Variants in BMPR2 observed in about 807,000 individuals in gnomAD.
The protein encoded by BMPR2 is bone morphogenetic protein receptor type 2, also known as bone morphogenetic protein receptor type-2.
In BMPR2, 29 loss-of-function variants were observed where a neutral mutation model predicts 100.8. The observed-to-expected ratio is 0.29, with a 90% confidence interval of 0.21 to 0.39. BMPR2 has a LOEUF of 0.39. Among genes scored for constraint, BMPR2 ranks in the 10% least tolerant of loss-of-function variants. BMPR2 has a pLI of 1.00. For synonymous variants in BMPR2, 382 were observed against 442.3 expected, an observed-to-expected ratio of 0.86 and a Z score of 1.71; for missense variants, 1,011 against 1,274.5, an observed-to-expected ratio of 0.79 and a Z score of 3.15.
intron 1 of BMPR2, among the ~76,000 whole-genome samples, chr2:202,394,890 AT>A (rs11298914): frequency 0.99 from 135,850 of 137,662 alleles, 67,021 homozygotes; most frequent in East Asian, 1. Flanking sequence ...ACTTTTTTTT[AT>A]TTTTTTTTTT....
intron 2 of BMPR2, among the ~76,000 whole-genome samples, chr2:202,466,340 G>A (rs1692320417): frequency 6.6e-6 from 1 of 152,084 alleles, no homozygotes; most frequent in African/African-American, 2.4e-5. Context: ...AGGCTGGAGT[G>A]CAATGGTGGG....
chr2:202,427,991 C>G (rs1691426165), intron 1 of BMPR2, among the ~76,000 whole-genome samples: 1 of 151,702 alleles, frequency 6.6e-6, no homozygotes, highest in South Asian at 2.1e-4. Flanking sequence ...CAAAAATAAA[C>G]AAACAAACAA....
chr2:202,534,991 C>CCCGCCACCTCCCTCCCAGACGGGGCGG (rs1174426070), intron 9 of BMPR2, among the ~76,000 whole-genome samples: 1 of 127,956 alleles, frequency 7.8e-6, no homozygotes, highest in East Asian at 2.6e-4. Context: ...TGGCTGACCC[C>CCCGCCACCTCCCTCCCAGACGGGGCGG]CTGCCACCTC....
intron 4 of BMPR2, 95 bp from the exon 5 acceptor site, chr2:202,514,793 C>T (rs1350236592): frequency 1.0e-6 from 1 of 993,896 alleles, no homozygotes; most frequent in East Asian, 2.6e-5. Context: ...AATCTTTCTG[C>T]AGCTCTTCTT....
intron 3 of BMPR2, among the ~76,000 whole-genome samples, chr2:202,479,818 A>G (rs1204068414): frequency 3.9e-5 from 6 of 152,124 alleles, no homozygotes; most frequent in Non-Finnish European, 8.8e-5. Flanking sequence ...ATGATGTAAT[A>G]TCTCATTATG....
At chr2:202,471,153 C>G (rs937158613) in intron 3 of BMPR2, among the ~76,000 whole-genome samples, 1 of 152,216 alleles carries the variant, frequency 6.6e-6, no homozygotes, top group Non-Finnish European at 1.5e-5. Flanking sequence ...GGAACTCCCA[C>G]TGGCTAAATC....
At chr2:202,471,136 G>A (rs1692429449) in intron 3 of BMPR2, among the ~76,000 whole-genome samples, 1 of 152,186 alleles carries the variant, frequency 6.6e-6, no homozygotes, top group Non-Finnish European at 1.5e-5. Flanking sequence ...ACAGGAGCCA[G>A]CTGGAAGGAA....
intron 1 of BMPR2, among the ~76,000 whole-genome samples, chr2:202,425,646 T>C (rs1348999725): frequency 1.3e-5 from 2 of 152,088 alleles, no homozygotes; most frequent in African/African-American, 4.8e-5. Flanking sequence ...AGTTGGAAGA[T>C]AGAGAAACAA....
rs1335854938 is a variant in BMPR2, at chr2:202,376,387, A to C, written c.-1088A>C. Among the ~76,000 whole-genome samples, 1 of 147,704 alleles carries C rather than the reference A, an allele frequency of 6.8e-6. No individual in the cohort carries two copies. The highest frequency in any genetic ancestry group is 2.5e-5 in the African/African-American group (1 of 39,948). Reference sequence around the variant, plus strand: ...CTGGAAGTGCCTCCCGGAGGGACGCAGGGTGTCTCGCCGCCTCCCTGCCCA... The same window carrying C: ...CTGGAAGTGCCTCCCGGAGGGACGCCGGGTGTCTCGCCGCCTCCCTGCCCA... On this transcript the variant is annotated 5_prime_UTR_variant, in exon 1 of 13. Transcript: ENST00000374580.
intron 12 of BMPR2, 60 bp downstream of exon 12, chr2:202,556,591 T>C: frequency 6.4e-7 from 1 of 1,550,918 alleles, no homozygotes; most frequent in Non-Finnish European, 8.8e-7. Flanking sequence ...TAAATAACTA[T>C]TTAGAATCAA....
At chr2:202,379,448 C>T (rs1690223970) in intron 1 of BMPR2, among the ~76,000 whole-genome samples, 1 of 152,238 alleles carries the variant, frequency 6.6e-6, no homozygotes, top group Admixed American at 6.5e-5. Context: ...GCAGCAACAA[C>T]TTCTCATCTT....
intron 1 of BMPR2, among the ~76,000 whole-genome samples, chr2:202,464,107 C>T (rs1469258661): frequency 1.5e-5 from 2 of 132,574 alleles, no homozygotes; most frequent in Non-Finnish European, 3.1e-5. Context: ...TGCGGTGAGG[C>T]GAGATTGTGC....
intron 8 of BMPR2, among the ~76,000 whole-genome samples, chr2:202,531,820 C>A (rs978417457): frequency 8.8e-5 from 13 of 147,422 alleles, no homozygotes; most frequent in African/African-American, 3.0e-4. Context: ...TTAGTAGATA[C>A]GAGGTTTCTC....
intron 1 of BMPR2, among the ~76,000 whole-genome samples, chr2:202,391,796 T>G (rs1020166625): frequency 2.3e-4 from 35 of 150,576 alleles, no homozygotes; most frequent in African/African-American, 8.1e-4. Flanking sequence ...GGAGTCGCAC[T>G]CTGTCGCCAG....
intron 3 of BMPR2, among the ~76,000 whole-genome samples, chr2:202,469,295 TGG>T (rs1692388507): frequency 6.6e-6 from 1 of 152,034 alleles, no homozygotes; most frequent in Admixed American, 6.6e-5. Context: ...CCCAAAGTGC[TGG>T]GATTACAGGT....
At chr2:202,384,446 G>A (rs1574419400) in intron 1 of BMPR2, among the ~76,000 whole-genome samples, 1 of 152,200 alleles carries the variant, frequency 6.6e-6, no homozygotes, top group East Asian at 1.9e-4. Flanking sequence ...ATTTGGGACA[G>A]TTAGGTATTT....
At chr2:202,521,949 A>G (rs1687825754) in intron 7 of BMPR2, among the ~76,000 whole-genome samples, 2 of 152,188 alleles carry the variant, frequency 1.3e-5, no homozygotes, top group South Asian at 4.1e-4. Context: ...ACTTGAGCAC[A>G]GGAGTTTGAG....
intron 3 of BMPR2, chr2:202,474,981 C>T (rs551469056): frequency 3.3e-5 from 5 of 152,186 alleles, no homozygotes; most frequent in East Asian, 1.9e-4. Context: ...CTCCAATAGT[C>T]TCTACACCCA....
At chr2:202,428,323 T>A (rs978633932) in intron 1 of BMPR2, among the ~76,000 whole-genome samples, 3 of 152,110 alleles carry the variant, frequency 2.0e-5, no homozygotes, top group Non-Finnish European at 1.5e-5. Context: ...TCTCTCTCTC[T>A]ACACACTGCC....
Sources: allele counts gnomAD v4.1 joint callset (sites outside exome capture counted in the v4.1 genomes callset), GRCh38; gene constraint gnomAD v4.1.1; transcripts MANE v1.5; gene names NCBI Gene and HGNC (gene_info 2026-07-23, HGNC 2026-07-21).